OLA1: variants seen among roughly 807,000 people sequenced by gnomAD.
The protein encoded by OLA1 is obg-like ATPase 1.
In OLA1, 14 loss-of-function variants were observed where a neutral mutation model predicts 48.4. The observed-to-expected ratio is 0.29, with a 90% confidence interval of 0.19 to 0.45. The LOEUF (loss-of-function observed/expected upper bound fraction) is 0.45. OLA1 is among the 20% of genes least tolerant of loss of function. The probability of loss-of-function intolerance (pLI) is 1.00; values close to 1 mark genes in which losing one functional copy is unlikely to be tolerated. For synonymous variants in OLA1, 127 were observed against 150.4 expected (o/e 0.84, Z 1.14); for missense variants, 325 against 467.1 (o/e 0.70, Z 2.80).
intron 4 of OLA1, among the ~76,000 whole-genome samples, chr2:174,201,841 T>C (rs1452842791): frequency 6.6e-6 from 1 of 152,194 alleles, no homozygotes; most frequent in Admixed American, 6.5e-5. Flanking sequence ...ACAGCTCCTT[T>C]TACCAACTAT....
At chr2:174,162,750 T>C (rs1458932931) in intron 4 of OLA1, among the ~76,000 whole-genome samples, 2 of 152,194 alleles carry the variant, frequency 1.3e-5, no homozygotes, top group Admixed American at 6.5e-5. Context: ...GGCAGATCAC[T>C]AAGTGATATA....
chr2:174,152,063 T>C (rs1333260932), intron 4 of OLA1, among the ~76,000 whole-genome samples: 4 of 152,210 alleles, frequency 2.6e-5, no homozygotes, highest in African/African-American at 9.6e-5. Context: ...AAGCTTGTAA[T>C]ATGTATCTTT....
chr2:174,182,864 G>T (rs1370977150), intron 4 of OLA1, among the ~76,000 whole-genome samples: 1 of 152,190 alleles, frequency 6.6e-6, no homozygotes, highest in East Asian at 1.9e-4. Context: ...CAACAAAACT[G>T]CCAGTTACTC....
intron 7 of OLA1, among the ~76,000 whole-genome samples, chr2:174,098,373 G>C (rs1472784127): frequency 1.3e-5 from 2 of 152,136 alleles, no homozygotes; most frequent in African/African-American, 2.4e-5. Context: ...AAGTGCCACT[G>C]GCTTAATGGA....
At chr2:174,108,134 T>C (rs769288223) in intron 7 of OLA1, among the ~76,000 whole-genome samples, 1 of 152,082 alleles carries the variant, frequency 6.6e-6, no homozygotes, top group Non-Finnish European at 1.5e-5. Context: ...AGTATGTGAA[T>C]AAAAGCGTAT....
intron 4 of OLA1, among the ~76,000 whole-genome samples, chr2:174,210,703 T>C (rs1464430566): frequency 3.3e-5 from 5 of 152,220 alleles, no homozygotes; most frequent in African/African-American, 7.2e-5. Flanking sequence ...CTACTGATTA[T>C]ATCAAACAAC....
At chr2:174,148,381 C>T (rs1218328388) in intron 4 of OLA1, among the ~76,000 whole-genome samples, 1 of 152,078 alleles carries the variant, frequency 6.6e-6, no homozygotes, top group East Asian at 1.9e-4. Context: ...AAGAGTGAGA[C>T]TACATCTCAA....
At chr2:174,230,238 G>A (rs1258170741) in intron 2 of OLA1, among the ~76,000 whole-genome samples, 1 of 151,418 alleles carries the variant, frequency 6.6e-6, no homozygotes, top group South Asian at 2.1e-4. Context: ...ATGATAATAC[G>A]GTGCCAAATA....
rs1174747360 is a variant in OLA1 at position 174,091,869 on chromosome 2, C to CAAAAAAAAAAAAAAAAAAAAA, written c.729-9826_729-9806dup. 1.7e-4 allele frequency among the ~76,000 whole-genome samples: 4 copies of CAAAAAAAAAAAAAAAAAAAAA among 22,982 alleles called. 2 individuals are homozygous for CAAAAAAAAAAAAAAAAAAAAA. Among genetic ancestry groups the CAAAAAAAAAAAAAAAAAAAAA allele is most frequent in the Admixed American group, 1.3e-3 (2 of 1,522 alleles). The allele number at this position is 22,982 out of a possible 152,430, so 15.1% of individuals were successfully genotyped here. A position where few individuals can be genotyped will look rare whatever the true frequency, so the allele number is the denominator to read the frequency against. ...CCTGGGAGACAGCGAGACTCTGCCT[C>CAAAAAAAAAAAAAAAAAAAAA]AAAAAAAAAAAAAAAAAAAAAAAAA... On this transcript the variant is annotated intron_variant, in intron 7 of 10. Transcript: ENST00000284719.
intron 5 of OLA1, among the ~76,000 whole-genome samples, chr2:174,130,903 C>T (rs1686166253): frequency 6.6e-6 from 1 of 151,980 alleles, no homozygotes; most frequent in African/African-American, 2.4e-5. Flanking sequence ...ACAATGCACT[C>T]GAGGTCACAA....
chr2:174,224,124 A>G (rs1688564778), intron 3 of OLA1, among the ~76,000 whole-genome samples: 2 of 152,208 alleles, frequency 1.3e-5, no homozygotes, highest in South Asian at 4.1e-4. Flanking sequence ...CTTCCCTATT[A>G]TTGGCATGGA....
chr2:174,155,373 A>T (rs953677452), intron 4 of OLA1, among the ~76,000 whole-genome samples: 1 of 152,244 alleles, frequency 6.6e-6, no homozygotes, highest in Non-Finnish European at 1.5e-5. Context: ...ATTCTAGATG[A>T]AGCTAAACAT....
At chr2:174,166,481 A>G (rs2105401779) in intron 4 of OLA1, among the ~76,000 whole-genome samples, 1 of 152,172 alleles carries the variant, frequency 6.6e-6, no homozygotes, top group East Asian at 1.9e-4. Flanking sequence ...CTGAACATGA[A>G]CTCTCAACAG....
chr2:174,158,929 C>G (rs1686950835), intron 4 of OLA1, among the ~76,000 whole-genome samples: 1 of 152,188 alleles, frequency 6.6e-6, no homozygotes, highest in Admixed American at 6.5e-5. Flanking sequence ...AATCCCCCCA[C>G]CATGGGATTT....
At chr2:174,103,939 C>T (rs1428141482) in intron 7 of OLA1, among the ~76,000 whole-genome samples, 1 of 151,696 alleles carries the variant, frequency 6.6e-6, no homozygotes, top group East Asian at 1.9e-4. Context: ...CAGAGTCATC[C>T]ATCGTAGGGG....
chr2:174,220,922 A>G (rs1688485661), intron 4 of OLA1, among the ~76,000 whole-genome samples: 1 of 152,166 alleles, frequency 6.6e-6, no homozygotes. Flanking sequence ...ACACTAACAT[A>G]TATCTGACTG....
chr2:174,079,274 A>G (rs138778352), intron 9 of OLA1, 184 bp from the exon 10 acceptor site: 197 of 394,102 alleles, frequency 5.0e-4, no homozygotes, highest in South Asian at 1.4e-3. Flanking sequence ...GATTTAGCAT[A>G]GATCAGTAGA....
chr2:174,108,020 AAAATT>A, intron 7 of OLA1, among the ~76,000 whole-genome samples: 1 of 152,238 alleles, frequency 6.6e-6, no homozygotes, highest in Non-Finnish European at 1.5e-5. Context: ...ATCTCTTTTC[AAAATT>A]TCTACCTATC....
chr2:174,177,548 T>C (rs890241175), intron 4 of OLA1, among the ~76,000 whole-genome samples: 1 of 152,144 alleles, frequency 6.6e-6, no homozygotes, highest in African/African-American at 2.4e-5. Context: ...TTCTGAATAT[T>C]GACATGCATC....
Sources: gnomAD v4.1 joint callset for allele counts (sites outside exome capture counted in the v4.1 genomes callset) on GRCh38, gnomAD v4.1.1 for gene constraint, MANE v1.5 for transcripts, NCBI Gene and HGNC (gene_info 2026-07-23, HGNC 2026-07-21) for gene names.